The following GPD2 variants were observed in gnomAD, a reference collection of about 807,000 sequenced individuals.
GPD2 encodes the protein glycerol-3-phosphate dehydrogenase 2.
GPD2 carries 54 observed loss-of-function variants against 82.4 expected under a neutral mutation model. The observed-to-expected ratio is 0.66, with a 90% CI of 0.53 to 0.82. GPD2 has a LOEUF of 0.82. GPD2 is among the 40% of genes least tolerant of loss of function. GPD2 has a pLI of 0.00. For synonymous variants in GPD2, 288 were observed against 306.1 expected, an observed-to-expected ratio of 0.94 and a Z score of 0.62; for missense variants, 748 against 896.2, an observed-to-expected ratio of 0.83 and a Z score of 2.11.
chr2:156,451,558 G>A (rs1179439958), intron 1 of GPD2, among the ~76,000 whole-genome samples: 1 of 138,744 alleles, frequency 7.2e-6, no homozygotes, highest in Non-Finnish European at 1.6e-5. Context: ...GCGGCTGGCC[G>A]GGCGGGGGTC....
In GPD2 at chr2:156,496,230, TTTTTA is replaced by T. The variant is rs567802812; in HGVS notation, c.274+21_274+25del. 4.2e-3 allele frequency: 6,592 copies of T among 1,586,472 alleles called. 7 individuals are homozygous for T. Among genetic ancestry groups the T allele is most frequent in the Non-Finnish European group, 5.1e-3 (5,930 of 1,156,836 alleles). On this transcript the variant is annotated intron_variant, in intron 3 of 16. Transcript: ENST00000438166. ...TGTCACCAGAGGTAAGTCTTTTTTTTTTTTATTTTAATTTTAAGTTCTGGGGTACA... is the reference window on the plus strand; with the variant it reads ...TGTCACCAGAGGTAAGTCTTTTTTTTTTTTAATTTTAAGTTCTGGGGTACA...
At chr2:156,496,780 C>T (rs1165647259) in intron 3 of GPD2, among the ~76,000 whole-genome samples, 2 of 152,008 alleles carry the variant, frequency 1.3e-5, no homozygotes, top group Non-Finnish European at 1.5e-5. Flanking sequence ...CTTGAAATCA[C>T]ATATCAGTCA....
At chr2:156,422,504 G>C in the GPD2 span, among the ~76,000 whole-genome samples, 3 of 152,044 alleles carry the variant, frequency 2.0e-5, no homozygotes, top group African/African-American at 7.2e-5. Context: ...GCTGAGGTGG[G>C]TGGATCATGA....
At chr2:156,441,820 G>A (rs1682185513) in intron 1 of GPD2, among the ~76,000 whole-genome samples, 1 of 152,122 alleles carries the variant, frequency 6.6e-6, no homozygotes, top group African/African-American at 2.4e-5. Context: ...TCTAGTTGGT[G>A]CCCCTAGACA....
At chr2:156,448,651 G>A (rs1232772305) in intron 1 of GPD2, among the ~76,000 whole-genome samples, 1 of 152,200 alleles carries the variant, frequency 6.6e-6, no homozygotes, top group Non-Finnish European at 1.5e-5. Flanking sequence ...GCCATGCAAA[G>A]TTGAGGAGCA....
At chr2:156,475,237 T>C (rs1282367227) in intron 1 of GPD2, among the ~76,000 whole-genome samples, 3 of 152,342 alleles carry the variant, frequency 2.0e-5, no homozygotes, top group South Asian at 4.1e-4. Flanking sequence ...ACTTTTTCTG[T>C]TAAGTTCCCC....
At chr2:156,465,611 G>A (rs924234300) in intron 1 of GPD2, among the ~76,000 whole-genome samples, 2 of 151,976 alleles carry the variant, frequency 1.3e-5, no homozygotes, top group Non-Finnish European at 2.9e-5. Flanking sequence ...CCTCCTGCCT[G>A]GGTTTCTCTG....
chr2:156,434,019 A>T (rs952633590), upstream of GPD2, among the ~76,000 whole-genome samples: 3 of 152,176 alleles, frequency 2.0e-5, no homozygotes, highest in Non-Finnish European at 4.4e-5. Context: ...TGATAAAAAT[A>T]TTGGTTTGAT....
At chr2:156,514,415 A>AC (rs1186110059) in intron 6 of GPD2, among the ~76,000 whole-genome samples, 1 of 147,264 alleles carries the variant, frequency 6.8e-6, no homozygotes. Context: ...TGAGCCCCCC[A>AC]CCCCCGTTGT....
Position 156,583,356 on chromosome 2 carries a change from G to T in GPD2, c.*438G>T. On this transcript the variant is annotated 3_prime_UTR_variant, in exon 17 of 17. Transcript: ENST00000438166. ...CTATTGAAATGATCATGTTTCTGGAGAAATTAAGCTTATAGACAGCATGTG... is the reference window on the plus strand; with the variant it reads ...CTATTGAAATGATCATGTTTCTGGATAAATTAAGCTTATAGACAGCATGTG... 4.5e-6 allele frequency: 1 copy of T among 224,534 alleles called. No individual in the cohort carries two copies. Among genetic ancestry groups the T allele is most frequent in the Non-Finnish European group, 9.0e-6 (1 of 110,874 alleles). 13.9% of individuals were successfully genotyped at this position (224,534 alleles called of 1,614,324 possible).
At chr2:156,426,032 C>G in the GPD2 span, among the ~76,000 whole-genome samples, 2 of 151,866 alleles carry the variant, frequency 1.3e-5, no homozygotes, top group Admixed American at 1.3e-4. Context: ...ACGCCATTCT[C>G]CTGCCTTAGC....
intron 16 of GPD2, among the ~76,000 whole-genome samples, chr2:156,582,316 C>T (rs956733374): frequency 4.6e-5 from 7 of 151,282 alleles, no homozygotes; most frequent in Non-Finnish European, 8.8e-5. Flanking sequence ...ATGTAAATTA[C>T]GTTAAAAAGT....
At chr2:156,433,671 A>C (rs1688347647), upstream of GPD2, among the ~76,000 whole-genome samples, 1 of 152,244 alleles carries the variant, frequency 6.6e-6, no homozygotes, top group South Asian at 2.1e-4. Flanking sequence ...CTGTCTAGGC[A>C]GCGGGCAAGG....
At chr2:156,473,161 A>G (rs1683389577) in intron 1 of GPD2, among the ~76,000 whole-genome samples, 1 of 152,224 alleles carries the variant, frequency 6.6e-6, no homozygotes, top group Non-Finnish European at 1.5e-5. Flanking sequence ...CACAGTAGAA[A>G]TAATGAGCCC....
At chr2:156,508,119 A>G (rs1226970203) in intron 3 of GPD2, among the ~76,000 whole-genome samples, 1 of 152,082 alleles carries the variant, frequency 6.6e-6, no homozygotes, top group African/African-American at 2.4e-5. Flanking sequence ...AGCCAGTTTC[A>G]GTAAGTCAGG....
chr2:156,458,705 AGATGATATGGGATTTG>A (rs1682871641), intron 1 of GPD2, among the ~76,000 whole-genome samples: 1 of 152,252 alleles, frequency 6.6e-6, no homozygotes, highest in Non-Finnish European at 1.5e-5. Flanking sequence ...AGTAATGGTC[AGATGATATGGGATTTG>A]GTCAAATGTC....
chr2:156,450,665 CTTT>C (rs776070659), intron 1 of GPD2, among the ~76,000 whole-genome samples: 2 of 71,686 alleles, frequency 2.8e-5, no homozygotes, highest in African/African-American at 1.1e-4. Flanking sequence ...ATAGACAACT[CTTT>C]TTTTTTTTTT....
intron 1 of GPD2, among the ~76,000 whole-genome samples, chr2:156,447,566 C>T (rs981072170): frequency 6.6e-6 from 1 of 152,056 alleles, no homozygotes; most frequent in Non-Finnish European, 1.5e-5. Context: ...AACTCCTGGG[C>T]TTGAGCGATT....
chr2:156,517,886 C>T (rs1685256190), intron 6 of GPD2, among the ~76,000 whole-genome samples: 1 of 152,078 alleles, frequency 6.6e-6, no homozygotes, highest in South Asian at 2.1e-4. Context: ...CATTCAATAC[C>T]TCCATTAAGC....
Sources: allele counts gnomAD v4.1 joint callset (sites outside exome capture counted in the v4.1 genomes callset), GRCh38; gene constraint gnomAD v4.1.1; transcripts MANE v1.5; gene names NCBI Gene and HGNC (gene_info 2026-07-23, HGNC 2026-07-21).